JPT2: variants seen among roughly 807,000 people sequenced by gnomAD.
JPT2 encodes the protein Jupiter microtubule associated homolog 2, also known as CRAMP_1 like.
JPT2 carries 9 observed loss-of-function variants against 15.9 expected under a neutral mutation model. That is an observed-to-expected ratio of 0.57 (90% CI 0.34 to 0.99). The LOEUF (loss-of-function observed/expected upper bound fraction) is 0.99, where lower values mean the gene tolerates loss of function less well. Among genes scored for constraint, JPT2 ranks in the 50% least tolerant of loss-of-function variants. The probability of loss-of-function intolerance (pLI) is 0.02; values close to 1 mark genes in which losing one functional copy is unlikely to be tolerated. For missense variants in JPT2, 267 were observed against 252.1 expected (o/e 1.06, Z -0.40); for synonymous variants, 95 against 91.7 (o/e 1.04, Z -0.21).
chr16:1,678,303 G>A lies in JPT2; in HGVS notation c.-10G>A. 1 of 1,237,420 alleles carries A rather than the reference G, an allele frequency of 8.1e-7. No homozygotes were observed. Among genetic ancestry groups the A allele is most frequent in the Non-Finnish European group, 1.0e-6 (1 of 987,418 alleles). The allele number at this position is 1,237,420 out of a possible 1,614,324, so 76.7% of individuals were successfully genotyped here. On this transcript the variant is annotated 5_prime_UTR_variant, in exon 1 of 5. Coordinates refer to ENST00000248098, the MANE Select transcript of JPT2 (RefSeq NM_144570.3). ...CGGCGCGCGGCGAGCTGAGGGTGGC[G>A]GCGGTCGACATGTTCCAGGTCCCGG...
chr16:1,679,243 C>T (rs1012317298), intron 1 of JPT2, among the ~76,000 whole-genome samples: 3 of 152,212 alleles, frequency 2.0e-5, no homozygotes, highest in Non-Finnish European at 2.9e-5. Context: ...CCCTCTGTGG[C>T]ACAGCCTCGC....
chr16:1,678,324 C>G lies in JPT2; in HGVS notation c.12C>G (p.Val4=), dbSNP rs1401601581. Residue 4 remains valine (V), a synonymous_variant, in exon 1 of 5, where the codon GTC becomes GTG. Transcript: ENST00000248098. ...TGGCGGCGGTCGACATGTTCCAGGT[C>G]CCGGATAGCGAGGGCGGCCGCGCCG... MFQ[V]PDSEGGRAGS... 1.6e-6 allele frequency: 2 copies of G among 1,237,246 alleles called. No homozygotes were observed. The highest frequency in any genetic ancestry group is 1.6e-5 in the African/African-American group (1 of 64,168). The allele number at this position is 1,237,246 out of a possible 1,614,324, so 76.6% of individuals were successfully genotyped here. A position where few individuals can be genotyped will look rare whatever the true frequency, so the allele number is the denominator to read the frequency against.
Position 1,691,951 on chromosome 16 carries a change from C to T in JPT2, c.302C>T (p.Ala101Val). ...TSDIFGSPVT[A>V]TSRLAHPNKP... ...GACATTTTTGGGTCTCCGGTCACTG[C>T]CACTTCACGCTTGGCACACCCAAAC... Residue 101 changes from alanine to valine, a missense_variant, in exon 3 of 5, where the codon GCC becomes GTC. Ala to Val is a moderately conservative substitution (Grantham distance 64). Coordinates refer to ENST00000248098, the MANE Select transcript of JPT2 (RefSeq NM_144570.3). The T allele has an allele frequency of 6.2e-7, 1 of 1,614,200 alleles. No individual in the cohort carries two copies. Among genetic ancestry groups the T allele is most frequent in the Non-Finnish European group, 8.5e-7 (1 of 1,180,032 alleles).
chr16:1,683,310 C>G (rs927782453), intron 1 of JPT2, among the ~76,000 whole-genome samples: 1 of 151,632 alleles, frequency 6.6e-6, no homozygotes, highest in Admixed American at 6.6e-5. Flanking sequence ...CAGGGTCTCC[C>G]CATATGCCCA....
At chr16:1,686,037 T>C (rs2037062520) in intron 2 of JPT2, 4 of 156,196 alleles carry the variant, frequency 2.6e-5, no homozygotes, top group Non-Finnish European at 1.4e-5. Flanking sequence ...TCTTCAGTAT[T>C]TACCCAACCT....
chr16:1,698,767 G>A lies in JPT2; in HGVS notation c.386-44G>A. ...TCCACAGCCTGCCTGTCAGGGTCAT[G>A]GGTTGCCTCTAATGGGATGTTGTTC... On this transcript the variant is annotated intron_variant, in intron 4 of 4. Coordinates refer to ENST00000248098, the MANE Select transcript of JPT2 (RefSeq NM_144570.3). This position sits in a 1 kb window ranked among gnomAD's most constrained non-coding sequence, Gnocchi z 4.9. 6 of 1,565,092 alleles carry A rather than the reference G, an allele frequency of 3.8e-6. No individual in the cohort carries two copies. The highest frequency in any genetic ancestry group is 5.2e-6 in the Non-Finnish European group (6 of 1,155,764).
intron 1 of JPT2, among the ~76,000 whole-genome samples, chr16:1,682,995 TGAGACG>T (rs2037035823): frequency 6.6e-6 from 1 of 152,134 alleles, no homozygotes; most frequent in Admixed American, 6.5e-5. Flanking sequence ...TTTGTTTTTT[TGAGACG>T]GAATCTCGCT....
At chr16:1,681,783 G>A (rs2037024937) in intron 1 of JPT2, among the ~76,000 whole-genome samples, 2 of 152,190 alleles carry the variant, frequency 1.3e-5, no homozygotes, top group Admixed American at 1.3e-4. Flanking sequence ...AGGGTGAAAG[G>A]CAGAGGAGAC....
intron 1 of JPT2, among the ~76,000 whole-genome samples, chr16:1,680,050 C>T (rs917940025): frequency 6.6e-6 from 1 of 152,214 alleles, no homozygotes; most frequent in African/African-American, 2.4e-5. Flanking sequence ...CAGAGCAAGA[C>T]TCCGTCTCAA....
Position 1,698,682 on chromosome 16 carries a change from T to G in JPT2, c.386-129T>G. Reference sequence around the variant, plus strand: ...AGATGAAAAGCCTGTCTATATTGTCTTCTCTTTCCCAGTTACAGCATGAAT... The same window carrying G: ...AGATGAAAAGCCTGTCTATATTGTCGTCTCTTTCCCAGTTACAGCATGAAT... On this transcript the variant is annotated intron_variant, in intron 4 of 4. Transcript: ENST00000248098. The surrounding 1 kb of genome is among the most constrained non-coding windows in gnomAD (Gnocchi z 4.9). 1 of 898,824 alleles carries G rather than the reference T, an allele frequency of 1.1e-6. No homozygotes were observed. Among genetic ancestry groups the G allele is most frequent in the East Asian group, 2.7e-5 (1 of 37,434 alleles). The allele number at this position is 898,824 out of a possible 1,614,324, so 55.7% of individuals were successfully genotyped here.
intron 3 of JPT2, among the ~76,000 whole-genome samples, chr16:1,694,925 A>G (rs978900456): frequency 5.9e-5 from 9 of 152,244 alleles, no homozygotes; most frequent in Non-Finnish European, 1.2e-4. Flanking sequence ...GGATTTGGCA[A>G]TGGAGGTTTA....
intron 2 of JPT2, among the ~76,000 whole-genome samples, chr16:1,688,057 A>G (rs1166828200): frequency 6.6e-6 from 1 of 152,238 alleles, no homozygotes; most frequent in Non-Finnish European, 1.5e-5. Flanking sequence ...ATGTTCCATG[A>G]ATTGTTCTTC....
chr16:1,679,145 C>T (rs1161199385), intron 1 of JPT2, among the ~76,000 whole-genome samples: 1 of 152,212 alleles, frequency 6.6e-6, no homozygotes, highest in Non-Finnish European at 1.5e-5. Context: ...AGGGACAGAG[C>T]TTACAAGGTC....
intron 1 of JPT2, chr16:1,683,608 C>A: frequency 6.5e-7 from 1 of 1,532,004 alleles, no homozygotes; most frequent in Non-Finnish European, 8.7e-7. Context: ...CCAGCACACG[C>A]TTGGTTTCTG....
intron 2 of JPT2, among the ~76,000 whole-genome samples, chr16:1,691,420 T>C (rs527365393): frequency 4.0e-4 from 61 of 152,350 alleles, no homozygotes; most frequent in Middle Eastern, 3.4e-3. Context: ...TAGGGCATGT[T>C]ATTAAATTCA....
intron 3 of JPT2, among the ~76,000 whole-genome samples, chr16:1,693,526 C>T (rs1223455170): frequency 2.0e-5 from 3 of 152,252 alleles, no homozygotes; most frequent in Non-Finnish European, 4.4e-5. Context: ...GTAAAGCACT[C>T]GAATTAGCCG....
chr16:1,692,331 A>T, intron 3 of JPT2: 1 of 276,842 alleles, frequency 3.6e-6, no homozygotes, highest in South Asian at 5.4e-5. Flanking sequence ...TCCGTCTTCC[A>T]CTCTTCCTGT....
chr16:1,702,642 G>A (rs999824319), downstream of JPT2, among the ~76,000 whole-genome samples: 4 of 152,108 alleles, frequency 2.6e-5, no homozygotes, highest in Admixed American at 1.3e-4. Flanking sequence ...GCCTCCTCCC[G>A]TGCTGGCTGC....
In JPT2 at chr16:1,678,340, G is replaced by C; in HGVS notation, c.28G>C (p.Gly10Arg). Residue 10 changes from glycine (G) to arginine (R), a missense_variant, in exon 1 of 5, where the codon GGC becomes CGC. Coordinates refer to ENST00000248098, the MANE Select transcript of JPT2 (RefSeq NM_144570.3). ...GTTCCAGGTCCCGGATAGCGAGGGC[G>C]GCCGCGCCGGCTCCAGGTGCGGCGC... is the stretch of plus-strand genomic sequence containing the variant. MFQVPDSEGGRAGSRAMKPP... is the reference protein window; with the variant it reads MFQVPDSEGRRAGSRAMKPP... The C allele has an allele frequency of 8.1e-7, 1 of 1,234,280 alleles. No homozygotes were observed. The highest frequency in any genetic ancestry group is 1.0e-6 in the Non-Finnish European group (1 of 986,754). 76.5% of individuals were successfully genotyped at this position (1,234,280 alleles called of 1,614,324 possible).
Sources: allele counts gnomAD v4.1 joint callset (sites outside exome capture counted in the v4.1 genomes callset), GRCh38; gene constraint gnomAD v4.1.1; non-coding constraint Gnocchi (gnomAD v3.1); transcripts MANE v1.5; gene names NCBI Gene and HGNC (gene_info 2026-07-23, HGNC 2026-07-21).